The following KCNN2 variants were observed in gnomAD, a reference collection of about 807,000 sequenced individuals.
The protein encoded by KCNN2 is small conductance calcium-activated potassium channel protein 2.
In KCNN2, 24 loss-of-function variants were observed where a neutral mutation model predicts 55.5. That is an observed-to-expected ratio of 0.43 (90% CI 0.31 to 0.61). The LOEUF is 0.61. Among genes scored for constraint, KCNN2 ranks in the 20% least tolerant of loss-of-function variants. The pLI is 0.08. For synonymous variants in KCNN2, 431 were observed against 336.1 expected, an observed-to-expected ratio of 1.28 and a Z score of -3.09; for missense variants, 754 against 853.6, an observed-to-expected ratio of 0.88 and a Z score of 1.45.
chr5:114,290,537 A>T (rs3101072), intron 2 of KCNN2, among the ~76,000 whole-genome samples: 149,062 of 152,114 alleles, frequency 0.98, 73,107 homozygotes, highest in Non-Finnish European at 1. Context: ...TTTTAAAGGA[A>T]CAACTTTTGT....
intron 4 of KCNN2, among the ~76,000 whole-genome samples, chr5:114,466,432 T>C (rs1317585672): frequency 6.6e-6 from 1 of 151,678 alleles, no homozygotes; most frequent in Non-Finnish European, 1.5e-5. Context: ...AATAAAGTAA[T>C]TGTTTTACTT....
chr5:114,124,899 G>A (rs908541884), intron 1 of KCNN2, among the ~76,000 whole-genome samples: 7 of 151,896 alleles, frequency 4.6e-5, no homozygotes, highest in East Asian at 1.9e-4. Flanking sequence ...CACATCTATC[G>A]TTAGAAATAC....
At chr5:114,359,393 T>A (rs562089269), upstream of KCNN2, among the ~76,000 whole-genome samples, 1 of 152,202 alleles carries the variant, frequency 6.6e-6, no homozygotes, top group Non-Finnish European at 1.5e-5. Flanking sequence ...TCTACATGAT[T>A]TCTACATGAT....
chr5:114,258,380 A>G (rs890685624), intron 2 of KCNN2, among the ~76,000 whole-genome samples: 2 of 152,092 alleles, frequency 1.3e-5, no homozygotes, highest in African/African-American at 4.8e-5. Context: ...AAAGGATTCT[A>G]TCCTCCTCAA....
At chr5:114,280,672 C>T (rs1755605652) in intron 2 of KCNN2, among the ~76,000 whole-genome samples, 1 of 152,088 alleles carries the variant, frequency 6.6e-6, no homozygotes, top group African/African-American at 2.4e-5. Context: ...TAATTTCTTA[C>T]CTGACACTGC....
upstream of KCNN2, among the ~76,000 whole-genome samples, chr5:114,361,374 C>G (rs1757417281): frequency 6.6e-6 from 1 of 152,200 alleles, no homozygotes; most frequent in African/African-American, 2.4e-5. Context: ...TGGGAAAGAT[C>G]CGGTCTCGGG....
intron 1 of KCNN2, among the ~76,000 whole-genome samples, chr5:114,116,471 G>C (rs1751710306): frequency 6.6e-6 from 1 of 152,036 alleles, no homozygotes; most frequent in African/African-American, 2.4e-5. Flanking sequence ...ATTTGATCAG[G>C]ATTAGGGTGA....
chr5:114,463,091 G>A lies in KCNN2; in HGVS notation c.1680G>A (p.Ala560=), dbSNP rs772628729. The A allele has an allele frequency of 2.0e-5, 32 of 1,613,628 alleles. No homozygotes were observed. Among genetic ancestry groups the A allele is most frequent in the African/African-American group, 5.3e-5 (4 of 74,902 alleles). ...ATGTTACTAGCAACTTCCTTGGAGC[G>A]ATGTGGTTGATATCAATAACTTTTC... The part of the protein sequence containing the change: ...QQDVTSNFLG[A]MWLISITFLS... The change falls in exon 4 of 8, where the codon GCG becomes GCA. Residue 560 remains alanine, a synonymous_variant. Transcript: ENST00000673685.
chr5:114,361,942 A>T (rs1224380888), upstream of KCNN2: 1 of 153,130 alleles, frequency 6.5e-6, no homozygotes, highest in Admixed American at 6.5e-5. Flanking sequence ...GCGCGCCGCA[A>T]ACTCAGTCTC....
intron 2 of KCNN2, among the ~76,000 whole-genome samples, chr5:114,286,929 T>A (rs1189386838): frequency 1.3e-5 from 2 of 152,204 alleles, no homozygotes; most frequent in African/African-American, 4.8e-5. Flanking sequence ...CCAGCAATTA[T>A]AGATTTTGAA....
At chr5:114,279,379 G>T (rs1755569824) in intron 2 of KCNN2, among the ~76,000 whole-genome samples, 1 of 151,886 alleles carries the variant, frequency 6.6e-6, no homozygotes, top group Non-Finnish European at 1.5e-5. Context: ...GTATACATGT[G>T]CATTTTGGTG....
intron 1 of KCNN2, among the ~76,000 whole-genome samples, chr5:114,184,468 A>G (rs1477372671): frequency 6.6e-6 from 1 of 152,230 alleles, no homozygotes; most frequent in African/African-American, 2.4e-5. Context: ...GTAATTAACA[A>G]GCATTATGCC....
chr5:114,278,479 G>A (rs181780988), intron 2 of KCNN2, among the ~76,000 whole-genome samples: 213 of 152,352 alleles, frequency 1.4e-3, no homozygotes, highest in Admixed American at 2.7e-3. Flanking sequence ...GAGGCAATAC[G>A]CCTTGCTGAG....
intron 4 of KCNN2, among the ~76,000 whole-genome samples, chr5:114,472,619 A>G (rs1428279485): frequency 6.6e-6 from 1 of 152,140 alleles, no homozygotes; most frequent in African/African-American, 2.4e-5. Flanking sequence ...ATCACCTTGA[A>G]GGCCTGCTGA....
chr5:114,387,847 G>C (rs969095750), intron 2 of KCNN2, among the ~76,000 whole-genome samples: 1 of 152,068 alleles, frequency 6.6e-6, no homozygotes, highest in South Asian at 2.1e-4. Flanking sequence ...GGCAGTAGAG[G>C]GCTTTGCTCT....
At chr5:114,086,701 A>T (rs1751024626) in intron 1 of KCNN2, among the ~76,000 whole-genome samples, 1 of 151,998 alleles carries the variant, frequency 6.6e-6, no homozygotes. Flanking sequence ...CCCTAGGTTG[A>T]TTCCATGTCT....
intron 2 of KCNN2, among the ~76,000 whole-genome samples, chr5:114,294,872 A>G (rs1755974548): frequency 1.3e-5 from 2 of 152,014 alleles, no homozygotes; most frequent in African/African-American, 4.8e-5. Context: ...TTGGGTGCAT[A>G]TATATTTAGG....
intron 3 of KCNN2, among the ~76,000 whole-genome samples, chr5:114,449,805 G>A (rs1439760471): frequency 2.0e-5 from 3 of 151,806 alleles, no homozygotes; most frequent in South Asian, 2.1e-4. Flanking sequence ...TCTCAGAGGG[G>A]TGAAATGTAC....
chr5:114,493,158 C>T (rs1747943473), intron 6 of KCNN2, among the ~76,000 whole-genome samples: 1 of 152,098 alleles, frequency 6.6e-6, no homozygotes, highest in Non-Finnish European at 1.5e-5. Context: ...TTCAACTTTA[C>T]CTGGTAAATA....
Sources: allele counts gnomAD v4.1 joint callset (sites outside exome capture counted in the v4.1 genomes callset), GRCh38; gene constraint gnomAD v4.1.1; transcripts MANE v1.5; gene names NCBI Gene and HGNC (gene_info 2026-07-23, HGNC 2026-07-21).